GPR55: variants seen among roughly 807,000 people sequenced by gnomAD.
The protein encoded by GPR55 is G protein-coupled receptor 55.
In GPR55, 6 loss-of-function variants were observed where a neutral mutation model predicts 7.9. That is an observed-to-expected ratio of 0.76 (90% CI 0.41 to 1.49). GPR55 has a LOEUF of 1.49. Ranked by LOEUF, GPR55 falls within the 40% of genes most tolerant of loss-of-function variation. The pLI is 0.01. For synonymous variants in GPR55, 183 were observed against 166.8 expected, an observed-to-expected ratio of 1.10 and a Z score of -0.75; for missense variants, 376 against 406.0, an observed-to-expected ratio of 0.93 and a Z score of 0.63.
rs1690525158 is a variant in GPR55, at chr2:230,909,219, TA to T, written c.*783del. On this transcript the variant is annotated 3_prime_UTR_variant, in exon 2 of 2. Coordinates refer to ENST00000650999, the MANE Select transcript of GPR55 (RefSeq NM_005683.4). ...CGTGCTGTGGACACCCTGATGGTGATAGGGGAGGGGCTGTGTGCTTCCAGCC... is the reference window on the plus strand; with the variant it reads ...CGTGCTGTGGACACCCTGATGGTGATGGGGAGGGGCTGTGTGCTTCCAGCC... The T allele has an allele frequency of 6.6e-6, 1 of 152,564 alleles. No individual in the cohort carries two copies. 9.5% of individuals were successfully genotyped at this position (152,564 alleles called of 1,614,324 possible). A position where few individuals can be genotyped will look rare whatever the true frequency, so the allele number is the denominator to read the frequency against.
chr2:230,921,169 A>G (rs963781927), intron 1 of GPR55, among the ~76,000 whole-genome samples: 1 of 152,244 alleles, frequency 6.6e-6, no homozygotes, highest in Non-Finnish European at 1.5e-5. Flanking sequence ...ACAGCAAACA[A>G]GTACATAATG....
chr2:230,945,283 C>A (rs972142873), intron 1 of GPR55, among the ~76,000 whole-genome samples: 1 of 152,048 alleles, frequency 6.6e-6, no homozygotes, highest in Admixed American at 6.5e-5. Flanking sequence ...GACTGAGTTC[C>A]GGGAGGCAGC....
intron 1 of GPR55, among the ~76,000 whole-genome samples, chr2:230,941,853 C>CTAT: frequency 6.6e-6 from 1 of 152,202 alleles, no homozygotes; most frequent in East Asian, 1.9e-4. Context: ...TGTTTGATAT[C>CTAT]TATTTGCATC....
chr2:230,917,587 C>G (rs1027174966), intron 1 of GPR55, among the ~76,000 whole-genome samples: 5 of 152,228 alleles, frequency 3.3e-5, no homozygotes, highest in African/African-American at 9.6e-5. Flanking sequence ...GAGGGAGGAT[C>G]GTTTGAGCCC....
chr2:230,914,721 T>C (rs1420899621), intron 1 of GPR55, among the ~76,000 whole-genome samples: 1 of 152,192 alleles, frequency 6.6e-6, no homozygotes, highest in Non-Finnish European at 1.5e-5. Flanking sequence ...GCCATTCCAT[T>C]AGCAGCTCCT....
intron 1 of GPR55, among the ~76,000 whole-genome samples, chr2:230,915,069 ACATCCGCAGAAATCGCCC>A (rs1239444146): frequency 6.6e-6 from 1 of 152,254 alleles, no homozygotes; most frequent in African/African-American, 2.4e-5. Flanking sequence ...GAGGAGCCCC[ACATCCGCAGAAATCGCCC>A]CAGGCTAGTG....
At chr2:230,941,296 T>A (rs1462829277) in intron 1 of GPR55, among the ~76,000 whole-genome samples, 1 of 152,116 alleles carries the variant, frequency 6.6e-6, no homozygotes, top group Non-Finnish European at 1.5e-5. Context: ...AGCTGCCCTC[T>A]GAGTGCCCAG....
At chr2:230,945,675 C>G (rs1184945911) in intron 1 of GPR55, among the ~76,000 whole-genome samples, 1 of 152,216 alleles carries the variant, frequency 6.6e-6, no homozygotes, top group South Asian at 2.1e-4. Flanking sequence ...CGGGTTCACG[C>G]CATTCTCCTT....
chr2:230,957,735 T>G (rs878898125), intron 1 of GPR55: 1 of 538,560 alleles, frequency 1.9e-6, no homozygotes. Flanking sequence ...GGCTTTGGAC[T>G]TTTTTTTTGT....
At chr2:230,960,866 A>G (rs1691556636) in exon 1 of GPR55, 1 of 152,124 alleles carries the variant, frequency 6.6e-6, no homozygotes, top group African/African-American at 2.4e-5. Context: ...TGTTTGGGCT[A>G]GCTTAAGTGT....
intron 1 of GPR55, among the ~76,000 whole-genome samples, chr2:230,931,282 C>T (rs1691034075): frequency 6.6e-6 from 1 of 152,222 alleles, no homozygotes; most frequent in African/African-American, 2.4e-5. Flanking sequence ...TCCTGAGGAC[C>T]ACGCCGAGGG....
At chr2:230,914,345 A>G (rs1357134247) in intron 1 of GPR55, among the ~76,000 whole-genome samples, 1 of 152,218 alleles carries the variant, frequency 6.6e-6, no homozygotes, top group East Asian at 1.9e-4. Flanking sequence ...ACAGACTTCA[A>G]ATGGAAGCTT....
intron 1 of GPR55, among the ~76,000 whole-genome samples, chr2:230,948,120 C>A (rs1383294613): frequency 6.6e-6 from 1 of 152,284 alleles, no homozygotes; most frequent in East Asian, 1.9e-4. Flanking sequence ...TGGCCGCCCC[C>A]ACAGCTTCCT....
chr2:230,916,311 C>T (rs140369616), intron 1 of GPR55, among the ~76,000 whole-genome samples: 3,526 of 151,982 alleles, frequency 0.023, 143 homozygotes, highest in African/African-American at 0.081. Flanking sequence ...CACTTGAGCC[C>T]AGGAGTTTGA....
At chr2:230,950,987 C>T (rs973400300) in intron 1 of GPR55, among the ~76,000 whole-genome samples, 1 of 152,180 alleles carries the variant, frequency 6.6e-6, no homozygotes, top group Admixed American at 6.5e-5. Flanking sequence ...CATGCCCCTT[C>T]CCCTATACCT....
intron 1 of GPR55, among the ~76,000 whole-genome samples, chr2:230,949,054 C>A (rs541826886): frequency 6.6e-6 from 1 of 152,330 alleles, no homozygotes; most frequent in South Asian, 2.1e-4. Flanking sequence ...TGGCAACAGA[C>A]TGAGACCCTG....
intron 1 of GPR55, 25 bp from the exon 2 acceptor site, chr2:230,911,121 C>T: frequency 1.4e-6 from 1 of 698,268 alleles, no homozygotes; most frequent in Non-Finnish European, 2.4e-6. Context: ...AGAAAAATTA[C>T]CTTTAATCCT....
intron 1 of GPR55, among the ~76,000 whole-genome samples, chr2:230,935,735 G>A (rs1691122798): frequency 6.6e-6 from 1 of 152,212 alleles, no homozygotes; most frequent in Non-Finnish European, 1.5e-5. Context: ...GGAGATACAG[G>A]TTCAGTATCC....
intron 1 of GPR55, among the ~76,000 whole-genome samples, chr2:230,938,625 T>G (rs1053592702): frequency 1.3e-5 from 2 of 152,224 alleles, no homozygotes; most frequent in Non-Finnish European, 2.9e-5. Flanking sequence ...CTCATTTGGC[T>G]TAACTTCACC....
Sources: gnomAD v4.1 joint callset for allele counts (sites outside exome capture counted in the v4.1 genomes callset) on GRCh38, gnomAD v4.1.1 for gene constraint, MANE v1.5 for transcripts, NCBI Gene and HGNC (gene_info 2026-07-23, HGNC 2026-07-21) for gene names.